The following KLF13 variants were observed in gnomAD, a reference collection of about 807,000 sequenced individuals.
The protein encoded by KLF13 is Krueppel-like factor 13.
A neutral mutation model predicts 16.7 loss-of-function variants in KLF13; 8 were observed. That is an observed-to-expected ratio of 0.48 (90% CI 0.28 to 0.87). KLF13 has a LOEUF of 0.87. Ranked by LOEUF, KLF13 falls within the 40% of genes least tolerant of loss-of-function variation. The probability of loss-of-function intolerance (pLI) is 0.10; values close to 1 mark genes in which losing one functional copy is unlikely to be tolerated. For missense variants in KLF13, 447 were observed against 452.2 expected, an observed-to-expected ratio of 0.99 and a Z score of 0.10; for synonymous variants, 245 against 208.4, an observed-to-expected ratio of 1.18 and a Z score of -1.51.
At chr15:31,423,017 AGAGT>A (rs1341362387) in intron 1 of KLF13, among the ~76,000 whole-genome samples, 1 of 150,218 alleles carries the variant, frequency 6.7e-6, no homozygotes, top group Non-Finnish European at 1.5e-5. Context: ...AGCCTGGGTG[AGAGT>A]GAGACTCCTT....
chr15:31,328,227 G>T (rs2038756772), intron 1 of KLF13, among the ~76,000 whole-genome samples: 1 of 149,916 alleles, frequency 6.7e-6, no homozygotes, highest in South Asian at 2.1e-4. Context: ...TTCCTCCCCC[G>T]CTGCCCGGGC....
At chr15:31,405,297 A>C (rs533330346), downstream of KLF13, among the ~76,000 whole-genome samples, 5 of 152,302 alleles carry the variant, frequency 3.3e-5, no homozygotes, top group African/African-American at 9.6e-5. Context: ...CTGGCCAACA[A>C]AACGAGACTC....
At chr15:31,356,754 A>C (rs1420624346) in intron 1 of KLF13, among the ~76,000 whole-genome samples, 3 of 152,198 alleles carry the variant, frequency 2.0e-5, no homozygotes, top group African/African-American at 7.2e-5. Context: ...GCTGTGGAGA[A>C]GACTGAAGCT....
Position 31,373,711 on chromosome 15 carries a change from C to T in KLF13, c.*1412C>T, listed in dbSNP as rs2039595328. ...TGGGATTCGAGCCCTGGGCGGGGGT[C>T]AGTCAAGCCGTGGTCCAGCAAACTC... On this transcript the variant is annotated 3_prime_UTR_variant, in exon 2 of 2. Coordinates refer to ENST00000307145, the MANE Select transcript of KLF13 (RefSeq NM_015995.4). The T allele has an allele frequency of 6.6e-6, 1 of 152,140 alleles. No individual in the cohort carries two copies. Among genetic ancestry groups the T allele is most frequent in the South Asian group, 2.1e-4 (1 of 4,828 alleles). The allele number at this position is 152,140 out of a possible 1,614,324, so 9.4% of individuals were successfully genotyped here. A position where few individuals can be genotyped will look rare whatever the true frequency, so the allele number is the denominator to read the frequency against.
At chr15:31,409,085 G>A (rs185167868), downstream of KLF13, among the ~76,000 whole-genome samples, 169 of 152,178 alleles carry the variant, frequency 1.1e-3, 2 homozygotes, top group African/African-American at 3.9e-3. Context: ...AGGAGTTCCA[G>A]ACCAGCCTGG....
chr15:31,350,988 C>T lies in KLF13; in HGVS notation c.578-21022C>T, dbSNP rs139051229. On this transcript the variant is annotated intron_variant, in intron 1 of 1. Transcript: ENST00000307145. ...GGGAGGGAGTGTGTGGATGGACATC[C>T]GAGTAAGAGTTCCCCAGTGTCTCCA... Among the ~76,000 whole-genome samples, 11 of 152,258 alleles carry T rather than the reference C, an allele frequency of 7.2e-5. No homozygotes were observed. In the East Asian group the frequency reaches 1.7e-3, roughly 24 times the overall value.
At chr15:31,384,668 T>C (rs1176107351) in intron 1 of KLF13, among the ~76,000 whole-genome samples, 1 of 152,128 alleles carries the variant, frequency 6.6e-6, no homozygotes, top group African/African-American at 2.4e-5. Flanking sequence ...CCACCAACAT[T>C]CATGAGCGTA....
chr15:31,380,101 C>G (rs1029110017), downstream of KLF13, among the ~76,000 whole-genome samples: 4 of 152,154 alleles, frequency 2.6e-5, no homozygotes, highest in African/African-American at 9.7e-5. Context: ...ATTTCGAGTT[C>G]AAGACTAGCC....
At chr15:31,387,052 T>C (rs2039803542) in intron 1 of KLF13, among the ~76,000 whole-genome samples, 1 of 152,210 alleles carries the variant, frequency 6.6e-6, no homozygotes, top group African/African-American at 2.4e-5. Context: ...ATCTACTCCT[T>C]GTGAAGATGC....
chr15:31,352,462 C>G (rs1454793328), intron 1 of KLF13, among the ~76,000 whole-genome samples: 1 of 152,254 alleles, frequency 6.6e-6, no homozygotes, highest in Non-Finnish European at 1.5e-5. Flanking sequence ...TGGCCACGGG[C>G]TCCATGCCTG....
intron 1 of KLF13, among the ~76,000 whole-genome samples, chr15:31,337,228 T>G (rs570275865): frequency 1.3e-5 from 2 of 152,356 alleles, no homozygotes; most frequent in South Asian, 4.1e-4. Flanking sequence ...ATCCCATCGC[T>G]GAGGTCTTAC....
chr15:31,356,181 C>T (rs2039298204), intron 1 of KLF13, among the ~76,000 whole-genome samples: 1 of 152,174 alleles, frequency 6.6e-6, no homozygotes, highest in African/African-American at 2.4e-5. Context: ...CACCCTCCTC[C>T]CTCCCCGCTC....
At chr15:31,355,077 T>G (rs1171381387) in intron 1 of KLF13, among the ~76,000 whole-genome samples, 1 of 152,120 alleles carries the variant, frequency 6.6e-6, no homozygotes, top group Non-Finnish European at 1.5e-5. Flanking sequence ...TCCCTCAGCC[T>G]CGAGTTATAA....
intron 1 of KLF13, among the ~76,000 whole-genome samples, chr15:31,328,340 C>T (rs866244511): frequency 1.3e-5 from 2 of 151,932 alleles, no homozygotes; most frequent in South Asian, 2.1e-4. Flanking sequence ...CTCTCTTCTT[C>T]CTGTAATTTT....
chr15:31,428,544 C>T (rs989153942), intron 1 of KLF13, among the ~76,000 whole-genome samples: 3 of 151,992 alleles, frequency 2.0e-5, no homozygotes, highest in African/African-American at 4.8e-5. Context: ...CGGTGGCTCA[C>T]GCCTGTCATC....
chr15:31,327,565 C>A lies in KLF13; in HGVS notation c.353C>A (p.Pro118His). Residue 118 changes from proline (P) to histidine (H), a missense_variant, in exon 1 of 2, where the codon CCC becomes CAC. This residue lies in a region of KLF13 where 359 missense variants were observed against 282.8 expected (regional missense o/e 1.27). Transcript: ENST00000307145. ...GCCGAAGGCGCGGCGGCCGCGCCCC[C>A]CAGCCCGGCGTGGAGCGAGCCGGAG... Reference protein sequence around the residue: ...PGAEGAAAAPPSPAWSEPEPE... With the variant: ...PGAEGAAAAPHSPAWSEPEPE... 1 of 1,144,070 alleles carries A rather than the reference C, an allele frequency of 8.7e-7. No individual in the cohort carries two copies. Among genetic ancestry groups the A allele is most frequent in the Non-Finnish European group, 1.1e-6 (1 of 927,750 alleles). The allele number at this position is 1,144,070 out of a possible 1,614,324, so 70.9% of individuals were successfully genotyped here.
At chr15:31,383,982 AT>A (rs2039764844) in intron 1 of KLF13, among the ~76,000 whole-genome samples, 2 of 152,234 alleles carry the variant, frequency 1.3e-5, no homozygotes, top group South Asian at 4.1e-4. Flanking sequence ...GGAATAGGAG[AT>A]TAATTCAATG....
intron 1 of KLF13, among the ~76,000 whole-genome samples, chr15:31,361,494 T>C (rs2039387012): frequency 6.6e-6 from 1 of 152,040 alleles, no homozygotes. Flanking sequence ...GTTTGTGCCA[T>C]TGAGTGTCTG....
intron 1 of KLF13, among the ~76,000 whole-genome samples, chr15:31,334,619 G>C (rs553763747): frequency 2.0e-5 from 3 of 152,008 alleles, no homozygotes; most frequent in Admixed American, 6.5e-5. Context: ...GTAGAGACGG[G>C]GTTTCACCAT....
Sources: gnomAD v4.1 joint callset for allele counts (sites outside exome capture counted in the v4.1 genomes callset) on GRCh38, gnomAD v4.1.1 for gene constraint, gnomAD v4.1.1 regional missense constraint, MANE v1.5 for transcripts, NCBI Gene and HGNC (gene_info 2026-07-23, HGNC 2026-07-21) for gene names.